TTN: variants seen among roughly 807,000 people sequenced by gnomAD.
The protein encoded by TTN is connectin.
Under a neutral mutation model 3,223.0 loss-of-function variants are expected in TTN, and 1,525 were observed. That is an observed-to-expected ratio of 0.47 (90% confidence interval 0.45 to 0.49). The LOEUF is 0.49. Among genes scored for constraint, TTN ranks in the 20% least tolerant of loss-of-function variants. TTN has a pLI of 0.00. For synonymous variants in TTN, 14,094 were observed against 15,161.0 expected, an observed-to-expected ratio of 0.93 and a Z score of 5.17; for missense variants, 40,786 against 43,424.0, an observed-to-expected ratio of 0.94 and a Z score of 5.40.
In TTN at chr2:178,547,830, T is replaced by A; in HGVS notation, c.93796A>T (p.Thr31266Ser). Residue 31266 changes from threonine (T) to serine (S), a missense_variant, in exon 339 of 363, where the codon ACA becomes TCA. Physicochemically the swap from Thr to Ser is moderately conservative, Grantham distance 58 (BLOSUM62 1). Transcript: ENST00000589042. The part of the protein sequence containing the change: ...LKETDRVSIT[T>S]TKDRTTLTVK... ...GTCAGTGTGGTTCTGTCTTTTGTTG[T>A]TGTAATGCTCACTCGATCTGTCTCT... 6.2e-7 allele frequency: 1 copy of A among 1,613,902 alleles called. No homozygotes were observed. The highest frequency in any genetic ancestry group is 2.2e-5 in the East Asian group (1 of 44,850).
rs1256602941 is a variant in TTN, at chr2:178,557,066, C to T, written c.88088G>A (p.Gly29363Glu). Residue 29363 changes from glycine (G) to glutamate (E), a missense_variant, in exon 330 of 363, where the codon GGA becomes GAA. Coordinates refer to ENST00000589042, the MANE Select transcript of TTN (RefSeq NM_001267550.2). Reference sequence around the variant, plus strand: ...AATGTAGCCTGTAATCTTGCTACCTCCATCGAAAGCTGGTTGTTGCCATGA... The same window carrying T: ...AATGTAGCCTGTAATCTTGCTACCTTCATCGAAAGCTGGTTGTTGCCATGA... Reference protein sequence around the residue: ...SLSWQQPAFDGGSKITGYIVE... With the variant: ...SLSWQQPAFDEGSKITGYIVE... 1 of 1,613,676 alleles carries T rather than the reference C, an allele frequency of 6.2e-7. No individual in the cohort carries two copies. The highest frequency in any genetic ancestry group is 8.5e-7 in the Non-Finnish European group (1 of 1,179,788).
chr2:178,755,729 T>C (rs1812638), intron 46 of TTN, among the ~76,000 whole-genome samples: 148,682 of 152,296 alleles, frequency 0.98, 72,692 homozygotes, highest in East Asian at 1. Context: ...CAGGCATGAG[T>C]CACTGTACTT....
chr2:178,803,040 T>A (rs2094142755), intron 2 of TTN, among the ~76,000 whole-genome samples: 1 of 152,260 alleles, frequency 6.6e-6, no homozygotes, highest in Admixed American at 6.5e-5. Context: ...CATGGTTTGA[T>A]GTTTTAAATA....
At position 178,573,713 on chromosome 2, in the gene TTN, C is replaced by A; in HGVS notation, c.72419G>T (p.Cys24140Phe). ...LAVTEVTSEK[C>F]VLSWFPPLDD... Reference sequence around the variant, plus strand: ...CAGTGGAGGGAACCATGATAGTACACACTTTTCTGATGTCACTTCAGTTAC... The same window carrying A: ...CAGTGGAGGGAACCATGATAGTACAAACTTTTCTGATGTCACTTCAGTTAC... The change falls in exon 326 of 363, where the codon TGT becomes TTT. Residue 24140 changes from cysteine to phenylalanine, a missense_variant. Coordinates refer to ENST00000589042, the MANE Select transcript of TTN (RefSeq NM_001267550.2). 6.5e-7 allele frequency: 1 copy of A among 1,546,524 alleles called. No individual in the cohort carries two copies. The highest frequency in any genetic ancestry group is 8.7e-7 in the Non-Finnish European group (1 of 1,147,876).
Position 178,547,645 on chromosome 2 carries a change from G to C in TTN, c.93981C>G (p.Val31327=), listed in dbSNP as rs370894846. 1.5e-4 allele frequency: 234 copies of C among 1,613,706 alleles called. No individual in the cohort carries two copies. The highest frequency in any genetic ancestry group is 1.9e-4 in the Non-Finnish European group (225 of 1,179,822). ...EVSSVSAESC[V]LSWGEPKDGG... is the part of the protein sequence containing the mutation. ...CATCTTTAGGTTCTCCCCATGACAG[G>C]ACACACGATTCAGCTGAGACAGATG... The change falls in exon 339 of 363, where the codon GTC becomes GTG. Residue 31327 remains valine (V), a synonymous_variant. Coordinates refer to ENST00000589042, the MANE Select transcript of TTN (RefSeq NM_001267550.2).
chr2:178,611,136 C>T lies in TTN; in HGVS notation c.50993G>A (p.Ser16998Asn), dbSNP rs749043514. 4.3e-6 allele frequency: 7 copies of T among 1,612,716 alleles called. No individual in the cohort carries two copies. The South Asian group carries it at 4.4e-5, about 10-fold the overall frequency. The stretch of plus-strand genomic sequence containing the variant: ...ATCATTCTTCATTGTTAATCTATCA[C>T]TTGCTTTAACTTCTTTGCCATCTTT... ...WHKDGKEVKA[S>N]DRLTMKNDHI... Residue 16998 changes from serine (S) to asparagine (N), a missense_variant, in exon 270 of 363, where the codon AGT becomes AAT. Coordinates refer to ENST00000589042, the MANE Select transcript of TTN (RefSeq NM_001267550.2).
chr2:178,772,565 G>A (rs564311197), intron 33 of TTN, among the ~76,000 whole-genome samples: 1 of 152,078 alleles, frequency 6.6e-6, no homozygotes, highest in Non-Finnish European at 1.5e-5. Context: ...GCTGTATTTT[G>A]AAAATATTTA....
At chr2:178,685,157 T>G in intron 129 of TTN, 96 bp downstream of exon 129, 1 of 1,231,570 alleles carries the variant, frequency 8.1e-7, no homozygotes, top group Non-Finnish European at 1.1e-6. Context: ...TAGACAGTTA[T>G]GCAAATTGTT....
In TTN at chr2:178,795,247, A is replaced by T; in HGVS notation, c.920T>A (p.Val307Glu). Residue 307 changes from valine to glutamate, a missense_variant, in exon 7 of 363, where the codon GTG becomes GAG. Val to Glu is a moderately radical substitution (Grantham distance 121). Coordinates refer to ENST00000589042, the MANE Select transcript of TTN (RefSeq NM_001267550.2). ...RAPTPSPVRSVSPAARISTSP... is the reference protein window; with the variant it reads ...RAPTPSPVRSESPAARISTSP... Reference sequence around the variant, plus strand: ...TGTGGAGATTCTTGCTGCTGGAGACACGGACCTGAAAACCAAAAGGCAGAG... The same window carrying T: ...TGTGGAGATTCTTGCTGCTGGAGACTCGGACCTGAAAACCAAAAGGCAGAG... The T allele has an allele frequency of 6.2e-7, 1 of 1,614,134 alleles. No individual in the cohort carries two copies. Among genetic ancestry groups the T allele is most frequent in the East Asian group, 2.2e-5 (1 of 44,886 alleles).
chr2:178,785,585 T>C (rs1481330499), intron 15 of TTN, 35 bp downstream of exon 15: 6 of 1,613,320 alleles, frequency 3.7e-6, no homozygotes, highest in Non-Finnish European at 5.1e-6. Context: ...TTATTTCCTT[T>C]AAACATTTCT....
At position 178,578,804 on chromosome 2, in the gene TTN, A is replaced by G. The variant is rs1321711553; in HGVS notation, c.68224+2T>C. On this transcript the variant is annotated splice_donor_variant, in intron 320 of 362. Transcript: ENST00000589042. LOFTEE classifies it high-confidence loss of function. ...TACGTCTTCTGAATTTAAGACACTT[A>G]CCAAATGGATGTCTCGCAACAATTG... The G allele has an allele frequency of 1.2e-6, 2 of 1,609,760 alleles. No individual in the cohort carries two copies. The highest frequency in any genetic ancestry group is 1.3e-5 in the African/African-American group (1 of 74,668).
At chr2:178,665,681 A>C in intron 164 of TTN, 27 bp downstream of exon 164, 1 of 1,312,740 alleles carries the variant, frequency 7.6e-7, no homozygotes, top group South Asian at 2.4e-5. Flanking sequence ...TAATAAATGA[A>C]GGAAGGAATG....
rs1459241923 is a variant in TTN at position 178,807,197 on chromosome 2, A to G, written c.-14+15T>C. ...AAGTGACTCTACTATTAAAATAAGA[A>G]AAGTTGCTGCTCACCTGATTTCTCA... is the stretch of plus-strand genomic sequence containing the variant. On this transcript the variant is annotated intron_variant, in intron 1 of 362. Coordinates refer to ENST00000589042, the MANE Select transcript of TTN (RefSeq NM_001267550.2). The G allele has an allele frequency of 6.6e-6, 1 of 152,204 alleles. No homozygotes were observed. The highest frequency in any genetic ancestry group is 1.5e-5 in the Non-Finnish European group (1 of 68,044). 9.4% of individuals were successfully genotyped at this position (152,204 alleles called of 1,614,324 possible). A position where few individuals can be genotyped will look rare whatever the true frequency, so the allele number is the denominator to read the frequency against.
chr2:178,652,694 G>A lies in TTN; in HGVS notation c.39002C>T (p.Pro13001Leu). The change falls in exon 201 of 363, where the codon CCC becomes CTC. Residue 13001 changes from proline to leucine, a missense_variant. Physicochemically the swap from Pro to Leu is moderately conservative, Grantham distance 98. Coordinates refer to ENST00000589042, the MANE Select transcript of TTN (RefSeq NM_001267550.2). ...PKEVVPEKKV[P>L]SAPPKKPEVP... ...TTCAGGCTTTTTAGGAGGAGCCGAG[G>A]GCACTTTCTTTTCAGGAACAACCTC... 2 of 1,613,314 alleles carry A rather than the reference G, an allele frequency of 1.2e-6. No homozygotes were observed. Among genetic ancestry groups the A allele is most frequent in the Non-Finnish European group, 1.7e-6 (2 of 1,179,534 alleles).
In TTN at chr2:178,557,947, T is replaced by G. The variant is rs768756948; in HGVS notation, c.87407A>C (p.Asp29136Ala). ...AGGGCCAGTTGGAGGACCAGGCCTG[T>G]CTAGCACAACAATGTTAATGAAAGC... ...TKAFINIVVL[D>A]RPGPPTGPVV... The change falls in exon 328 of 363, where the codon GAC becomes GCC. Residue 29136 changes from aspartate (D) to alanine (A), a missense_variant. By Grantham distance (126) the Asp-to-Ala change is moderately radical (BLOSUM62 -2). Transcript: ENST00000589042. 21 of 1,613,202 alleles carry G rather than the reference T, an allele frequency of 1.3e-5. No individual in the cohort carries two copies. Among genetic ancestry groups the G allele is most frequent in the Non-Finnish European group, 1.8e-5 (21 of 1,179,852 alleles).
rs1023349406 is a variant in TTN, at chr2:178,771,355, G to A, written c.7972C>T (p.His2658Tyr). 6.2e-7 allele frequency: 1 copy of A among 1,614,060 alleles called. No homozygotes were observed. Among genetic ancestry groups the A allele is most frequent in the South Asian group, 1.1e-5 (1 of 91,084 alleles). ...SKGEWLRDGKHLPLTNNIRSE... is the reference protein window; with the variant it reads ...SKGEWLRDGKYLPLTNNIRSE... ...CTGATGTTGTTAGTCAGTGGTAGGT[G>A]TTTGCCATCCCTCAACCATTCGCCT... The change falls in exon 34 of 363, where the codon CAC (histidine) becomes TAC (tyrosine). Residue 2658 changes from histidine to tyrosine, a missense_variant. Transcript: ENST00000589042.
In TTN at chr2:178,583,392, A is replaced by G. The variant is rs1216476204; in HGVS notation, c.65576-165T>C. 1.1e-5 allele frequency: 9 copies of G among 846,128 alleles called. No individual in the cohort carries two copies. In the African/African-American group the frequency reaches 1.4e-4, roughly 13 times the overall value. 52.4% of individuals were successfully genotyped at this position (846,128 alleles called of 1,614,324 possible). On this transcript the variant is annotated intron_variant, in intron 312 of 362. Coordinates refer to ENST00000589042, the MANE Select transcript of TTN (RefSeq NM_001267550.2). The stretch of plus-strand genomic sequence containing the variant: ...ACAAATAATAACTGCACTATTGAAT[A>G]ACTATTGAAATTATATAGTTGCCAC...
intron 278 of TTN, among the ~76,000 whole-genome samples, chr2:178,606,245 C>T (rs767467869): frequency 5.9e-5 from 9 of 151,954 alleles, no homozygotes; most frequent in African/African-American, 9.7e-5. Flanking sequence ...AAAACTAGAC[C>T]CAATCCATAC....
In TTN at chr2:178,704,382, C is replaced by T; in HGVS notation, c.29988G>A (p.Gln9996=). Residue 9996 remains glutamine, a synonymous_variant, in exon 106 of 363, where the codon CAG becomes CAA. Transcript: ENST00000589042. The part of the protein sequence containing the change: ...VIEPAWERHL[Q]DVTLKEGQTC... ...TCTGGCCTTCTTTCAGAGTCACATC[C>T]TGAAGATGCCGTTCCCATGCAGGCT... 1 of 1,613,632 alleles carries T rather than the reference C, an allele frequency of 6.2e-7. No individual in the cohort carries two copies. The highest frequency in any genetic ancestry group is 8.5e-7 in the Non-Finnish European group (1 of 1,179,592).
Sources: gnomAD v4.1 joint callset for allele counts (sites outside exome capture counted in the v4.1 genomes callset) on GRCh38, gnomAD v4.1.1 for gene constraint, MANE v1.5 for transcripts, NCBI Gene and HGNC (gene_info 2026-07-23, HGNC 2026-07-21) for gene names.